NRXN3: variants seen among roughly 807,000 people sequenced by gnomAD.
NRXN3 encodes neurexin III.
A neutral mutation model predicts 137.6 loss-of-function variants in NRXN3; 32 were observed. The ratio of observed to expected loss-of-function variants is 0.23; its 90% CI spans 0.18 to 0.31. The LOEUF is 0.31. NRXN3 is among the 10% of genes least tolerant of loss of function. NRXN3 has a pLI of 1.00. For synonymous variants in NRXN3, 798 were observed against 784.5 expected, an observed-to-expected ratio of 1.02 and a Z score of -0.29; for missense variants, 1,574 against 2,062.5, an observed-to-expected ratio of 0.76 and a Z score of 4.59.
At chr14:78,247,634 C>G (rs2067889735) in intron 2 of NRXN3, among the ~76,000 whole-genome samples, 1 of 152,074 alleles carries the variant, frequency 6.6e-6, no homozygotes, top group East Asian at 1.9e-4. Context: ...TATAGTGGAG[C>G]TATGGTGTGG....
At chr14:79,797,307 A>G (rs956136127) in intron 19 of NRXN3, among the ~76,000 whole-genome samples, 7 of 152,196 alleles carry the variant, frequency 4.6e-5, no homozygotes, top group African/African-American at 1.7e-4. Context: ...GCAAGTGATT[A>G]TCTTCAGGAG....
At chr14:78,869,281 G>A (rs1027678821) in intron 10 of NRXN3, among the ~76,000 whole-genome samples, 2 of 152,028 alleles carry the variant, frequency 1.3e-5, no homozygotes, top group Admixed American at 6.6e-5. Flanking sequence ...TTCTCCACAC[G>A]ATCACTGATC....
intron 1 of NRXN3, among the ~76,000 whole-genome samples, chr14:78,208,122 T>C (rs577858874): frequency 1.3e-5 from 2 of 152,322 alleles, no homozygotes; most frequent in Admixed American, 6.5e-5. Context: ...AATACATAAT[T>C]TGTAGGGTGT....
chr14:78,259,870 A>G (rs2070385071), intron 2 of NRXN3, among the ~76,000 whole-genome samples: 1 of 152,154 alleles, frequency 6.6e-6, no homozygotes, highest in African/African-American at 2.4e-5. Context: ...GAAGTTGCTT[A>G]TCTAGCGTAA....
chr14:79,094,670 T>C (rs1394140547), intron 15 of NRXN3, among the ~76,000 whole-genome samples: 2 of 152,186 alleles, frequency 1.3e-5, no homozygotes. Flanking sequence ...TGTTAGGGTT[T>C]TAAAAGAAGT....
intron 4 of NRXN3, among the ~76,000 whole-genome samples, chr14:78,357,849 A>C (rs898361615): frequency 6.6e-6 from 1 of 152,228 alleles, no homozygotes; most frequent in Non-Finnish European, 1.5e-5. Flanking sequence ...GTATGTTAAC[A>C]ATATGTTAAC....
chr14:79,703,746 C>G (rs1378212820), intron 19 of NRXN3, among the ~76,000 whole-genome samples: 2 of 152,026 alleles, frequency 1.3e-5, no homozygotes, highest in Non-Finnish European at 2.9e-5. Flanking sequence ...TATCTCTGGG[C>G]AGGTGATTAG....
chr14:79,728,341 A>G lies in NRXN3; in HGVS notation c.4014+30404A>G, dbSNP rs115715489. Among the ~76,000 whole-genome samples, 525 of 152,236 alleles carry G rather than the reference A, an allele frequency of 3.4e-3. 1 individual carries two copies. The highest frequency in any genetic ancestry group is 0.012 in the African/African-American group (493 of 41,542). Reference sequence around the variant, plus strand: ...AAGAGGTAGCTCCAGCATTTTCAGCATGGGGTTAGGTTGGAAGTCCCAGTT... The same window carrying G: ...AAGAGGTAGCTCCAGCATTTTCAGCGTGGGGTTAGGTTGGAAGTCCCAGTT... On this transcript the variant is annotated intron_variant, in intron 19 of 20. Coordinates refer to ENST00000335750, the MANE Select transcript of NRXN3 (RefSeq NM_001330195.2).
intron 15 of NRXN3, among the ~76,000 whole-genome samples, chr14:79,415,243 A>C (rs1343316553): frequency 6.6e-6 from 1 of 152,126 alleles, no homozygotes; most frequent in East Asian, 1.9e-4. Flanking sequence ...TTTTGGATAC[A>C]TAATTGGTCC....
intron 16 of NRXN3, among the ~76,000 whole-genome samples, chr14:79,554,365 A>G (rs1031717754): frequency 1.3e-5 from 2 of 152,144 alleles, no homozygotes; most frequent in Non-Finnish European, 2.9e-5. Context: ...CAAACATTTC[A>G]TGTGCTTTTA....
At position 79,784,675 on chromosome 14, in the gene NRXN3, A is replaced by C. The variant is rs2099124096; in HGVS notation, c.4015-20437A>C. 2.0e-5 allele frequency among the ~76,000 whole-genome samples: 3 copies of C among 150,060 alleles called. No individual in the cohort carries two copies. In the South Asian group the frequency reaches 6.3e-4, roughly 32 times the overall value. The stretch of plus-strand genomic sequence containing the variant: ...AGTTCAAACGAGCACAGCATGGTCC[A>C]AATGGTGTTTAAAGCTGTCTAAGTT... On this transcript the variant is annotated intron_variant, in intron 19 of 20. Transcript: ENST00000335750.
At chr14:78,716,340 T>G (rs1259305620) in intron 8 of NRXN3, among the ~76,000 whole-genome samples, 3 of 152,182 alleles carry the variant, frequency 2.0e-5, no homozygotes, top group African/African-American at 7.2e-5. Context: ...CTATATTCAA[T>G]GAAAGGATAA....
chr14:79,072,693 G>A (rs2099689502), intron 15 of NRXN3, among the ~76,000 whole-genome samples: 1 of 152,100 alleles, frequency 6.6e-6, no homozygotes, highest in Admixed American at 6.6e-5. Context: ...GTAAAATCAT[G>A]CACATACAAA....
chr14:79,663,383 T>A (rs1310662116), intron 16 of NRXN3, among the ~76,000 whole-genome samples: 2 of 152,104 alleles, frequency 1.3e-5, no homozygotes. Flanking sequence ...ATATTTCCAC[T>A]TTAATTGTAA....
At chr14:79,296,648 C>T (rs180862412) in intron 15 of NRXN3, among the ~76,000 whole-genome samples, 1 of 152,108 alleles carries the variant, frequency 6.6e-6, no homozygotes, top group Admixed American at 6.6e-5. Context: ...ATGACTTGTC[C>T]CTTTCAATTG....
intron 20 of NRXN3, among the ~76,000 whole-genome samples, chr14:79,842,030 T>A (rs966469288): frequency 6.6e-6 from 1 of 152,214 alleles, no homozygotes; most frequent in Non-Finnish European, 1.5e-5. Flanking sequence ...TATAGAGGAC[T>A]GCAAGAAAAA....
chr14:78,970,827 T>C (rs2099435740), intron 14 of NRXN3, among the ~76,000 whole-genome samples: 1 of 152,190 alleles, frequency 6.6e-6, no homozygotes, highest in African/African-American at 2.4e-5. Flanking sequence ...CCGGATATTG[T>C]GGCTTGATGG....
chr14:78,870,617 AGATCTTATT>A, intron 10 of NRXN3, among the ~76,000 whole-genome samples: 1 of 152,082 alleles, frequency 6.6e-6, no homozygotes, highest in East Asian at 1.9e-4. Context: ...ACTGAACGCT[AGATCTTATT>A]CCTTCTATCT....
At chr14:79,379,478 C>T (rs1419171950) in intron 15 of NRXN3, among the ~76,000 whole-genome samples, 3 of 152,140 alleles carry the variant, frequency 2.0e-5, no homozygotes, top group Non-Finnish European at 4.4e-5. Flanking sequence ...TCCACAATAA[C>T]ATAGCAGGTG....
Sources: allele counts gnomAD v4.1 joint callset (sites outside exome capture counted in the v4.1 genomes callset), GRCh38; gene constraint gnomAD v4.1.1; transcripts MANE v1.5; gene names NCBI Gene and HGNC (gene_info 2026-07-23, HGNC 2026-07-21).